TNFSF4: variants seen among roughly 807,000 people sequenced by gnomAD.
TNFSF4 encodes the protein TNF superfamily member 4.
TNFSF4 carries 4 observed loss-of-function variants against 7.3 expected under a neutral mutation model. The observed-to-expected ratio is 0.55, with a 90% CI of 0.27 to 1.25. The LOEUF (loss-of-function observed/expected upper bound fraction) is 1.25. Among genes scored for constraint, TNFSF4 ranks in the 50% most tolerant of loss-of-function variants. The pLI is 0.12. For missense variants in TNFSF4, 181 were observed against 208.8 expected, an observed-to-expected ratio of 0.87 and a Z score of 0.82; for synonymous variants, 76 against 83.7, an observed-to-expected ratio of 0.91 and a Z score of 0.50.
At chr1:173,306,856 A>G in the TNFSF4 span, among the ~76,000 whole-genome samples, 1 of 151,668 alleles carries the variant, frequency 6.6e-6, no homozygotes, top group Non-Finnish European at 1.5e-5. Flanking sequence ...AACTTCCCTG[A>G]CTCTGCCCCA....
chr1:173,215,588 C>A, the TNFSF4 span, among the ~76,000 whole-genome samples: 4 of 152,154 alleles, frequency 2.6e-5, no homozygotes, highest in African/African-American at 9.7e-5. Flanking sequence ...ACAGAGTAGG[C>A]CTATGCAAAT....
chr1:173,373,454 C>T, the TNFSF4 span, among the ~76,000 whole-genome samples: 14,835 of 152,190 alleles, frequency 0.097, 841 homozygotes, highest in East Asian at 0.27. Context: ...GTTTTCTCTC[C>T]TCAGGGTGGT....
At chr1:173,228,812 C>G in the TNFSF4 span, among the ~76,000 whole-genome samples, 1 of 152,082 alleles carries the variant, frequency 6.6e-6, no homozygotes, top group Non-Finnish European at 1.5e-5. Flanking sequence ...ATTCAATCAA[C>G]TGGAAGAAAG....
At chr1:173,416,638 T>TATTTATTTATTATTTTTTGAGA in the TNFSF4 span, among the ~76,000 whole-genome samples, 1 of 110,084 alleles carries the variant, frequency 9.1e-6, no homozygotes, top group Non-Finnish European at 1.9e-5. Flanking sequence ...ATTTATTTTT[T>TATTTATTTATTATTTTTTGAGA]GAGAGAGAGA....
the TNFSF4 span, among the ~76,000 whole-genome samples, chr1:173,390,242 A>T: frequency 6.6e-6 from 1 of 152,180 alleles, no homozygotes; most frequent in Non-Finnish European, 1.5e-5. Context: ...GTGTCCAGCC[A>T]AAAGTAGTCA....
At chr1:173,256,193 C>T in the TNFSF4 span, among the ~76,000 whole-genome samples, 57 of 152,126 alleles carry the variant, frequency 3.7e-4, no homozygotes, top group Admixed American at 1.3e-4. Flanking sequence ...AGATTCTGAG[C>T]ATAATTAACA....
chr1:173,262,606 T>C, the TNFSF4 span, among the ~76,000 whole-genome samples: 1 of 129,628 alleles, frequency 7.7e-6, no homozygotes, highest in Admixed American at 7.6e-5. Flanking sequence ...TTCTTTTTTT[T>C]TTTTTTTTTT....
At chr1:173,433,228 C>A in the TNFSF4 span, among the ~76,000 whole-genome samples, 2 of 152,162 alleles carry the variant, frequency 1.3e-5, no homozygotes, top group African/African-American at 4.8e-5. Flanking sequence ...CCCTTTTAGG[C>A]CATCTAAAGT....
At chr1:173,394,912 A>C in the TNFSF4 span, among the ~76,000 whole-genome samples, 1 of 150,058 alleles carries the variant, frequency 6.7e-6, no homozygotes, top group Non-Finnish European at 1.5e-5. Context: ...TAATATTTAG[A>C]TAGATAGAGA....
the TNFSF4 span, among the ~76,000 whole-genome samples, chr1:173,328,019 A>T: frequency 6.6e-6 from 1 of 152,208 alleles, no homozygotes; most frequent in Non-Finnish European, 1.5e-5. Flanking sequence ...TACCCAAAGG[A>T]TTATAAATCA....
chr1:173,278,080 T>C, the TNFSF4 span, among the ~76,000 whole-genome samples: 2 of 152,138 alleles, frequency 1.3e-5, no homozygotes, highest in African/African-American at 2.4e-5. Flanking sequence ...CCAAATGCTC[T>C]CAGATCATTT....
At chr1:173,434,034 C>G in the TNFSF4 span, among the ~76,000 whole-genome samples, 1 of 152,144 alleles carries the variant, frequency 6.6e-6, no homozygotes, top group Non-Finnish European at 1.5e-5. Context: ...CAGCAAGCCA[C>G]CCCAAAGCTA....
At chr1:173,233,049 C>T in the TNFSF4 span, among the ~76,000 whole-genome samples, 4 of 152,198 alleles carry the variant, frequency 2.6e-5, no homozygotes, top group African/African-American at 7.2e-5. Context: ...GGAAGATGTT[C>T]GAACCCATTG....
the TNFSF4 span, among the ~76,000 whole-genome samples, chr1:173,277,286 T>C: frequency 5.0e-4 from 76 of 152,304 alleles, 1 homozygote; most frequent in South Asian, 3.1e-3. Context: ...AACCAGCTTC[T>C]GATGACTTGG....
chr1:173,371,439 T>C, the TNFSF4 span, among the ~76,000 whole-genome samples: 1 of 152,170 alleles, frequency 6.6e-6, no homozygotes, highest in African/African-American at 2.4e-5. Flanking sequence ...GAATCAACCC[T>C]GAAGTCTGGG....
the TNFSF4 span, among the ~76,000 whole-genome samples, chr1:173,409,106 C>CA: frequency 3.3e-5 from 5 of 151,862 alleles, no homozygotes; most frequent in African/African-American, 1.2e-4. Context: ...CTATTCCTAC[C>CA]AAAAATGAAA....
intron 1 of TNFSF4, among the ~76,000 whole-genome samples, chr1:173,195,111 G>T (rs1471008849): frequency 6.6e-6 from 1 of 152,082 alleles, no homozygotes; most frequent in Admixed American, 6.6e-5. Flanking sequence ...CCAAGTTCAT[G>T]ATAACATCCC....
the TNFSF4 span, among the ~76,000 whole-genome samples, chr1:173,299,276 A>G: frequency 6.6e-6 from 1 of 151,862 alleles, no homozygotes; most frequent in Non-Finnish European, 1.5e-5. Flanking sequence ...TTCTCTGGAA[A>G]CTGCCCTAAG....
chr1:173,355,965 A>C, the TNFSF4 span, among the ~76,000 whole-genome samples: 1 of 152,324 alleles, frequency 6.6e-6, no homozygotes, highest in East Asian at 1.9e-4. Flanking sequence ...AAAGACATTC[A>C]ATTCAAAATT....
Sources: gnomAD v4.1 joint callset for allele counts (sites outside exome capture counted in the v4.1 genomes callset) on GRCh38, gnomAD v4.1.1 for gene constraint, MANE v1.5 for transcripts, NCBI Gene and HGNC (gene_info 2026-07-23, HGNC 2026-07-21) for gene names.